The following LUZP2 variants were observed in gnomAD, a reference collection of about 807,000 sequenced individuals.
LUZP2 encodes the protein leucine zipper protein 2.
In LUZP2, 52 loss-of-function variants were observed where a neutral mutation model predicts 51.6. The ratio of observed to expected loss-of-function variants is 1.01; its 90% CI spans 0.81 to 1.27. LUZP2 has a LOEUF of 1.27. Ranked by LOEUF, LUZP2 falls within the 50% of genes most tolerant of loss-of-function variation. The pLI is 0.00. For missense variants in LUZP2, 436 were observed against 395.4 expected (o/e 1.10, Z -0.87); for synonymous variants, 154 against 137.3 (o/e 1.12, Z -0.85).
At chr11:24,583,723 A>C (rs1047686683) in intron 1 of LUZP2, among the ~76,000 whole-genome samples, 35 of 136,618 alleles carry the variant, frequency 2.6e-4, no homozygotes, top group African/African-American at 9.3e-4. Context: ...TTTTTTTTTG[A>C]GATGGAGTCT....
chr11:24,866,001 G>C (rs566132321), intron 5 of LUZP2, among the ~76,000 whole-genome samples: 35 of 151,500 alleles, frequency 2.3e-4, no homozygotes, highest in African/African-American at 8.0e-4. Context: ...GTAGAGAGGG[G>C]TTTCACCATG....
chr11:24,766,962 G>A (rs192001282), intron 5 of LUZP2, among the ~76,000 whole-genome samples: 10 of 152,132 alleles, frequency 6.6e-5, no homozygotes, highest in East Asian at 3.9e-4. Flanking sequence ...GGGCATCACC[G>A]TGTTGGCCAG....
At chr11:25,034,797 A>T (rs1287422173) in intron 9 of LUZP2, among the ~76,000 whole-genome samples, 2 of 152,044 alleles carry the variant, frequency 1.3e-5, no homozygotes, top group African/African-American at 4.8e-5. Context: ...TTTTTGTGCT[A>T]GTACTAAGCT....
At chr11:24,948,831 CTATCTA>C (rs1854981057) in intron 7 of LUZP2, among the ~76,000 whole-genome samples, 2 of 95,808 alleles carry the variant, frequency 2.1e-5, no homozygotes, top group South Asian at 6.1e-4. Flanking sequence ...TATCATCTAT[CTATCTA>C]TCTATCTATC....
In LUZP2 at chr11:24,738,311, G is replaced by A. The variant is rs1262706160; in HGVS notation, c.333+9G>A. ...AAAAACACCAGGCTACTGTAAGTGT[G>A]TTTCTTCTTTGTGCCTTTTGCTTTT... On this transcript the variant is annotated intron_variant, in intron 4 of 11. Coordinates refer to ENST00000336930, the MANE Select transcript of LUZP2 (RefSeq NM_001009909.4). 7 of 1,603,252 alleles carry A rather than the reference G, an allele frequency of 4.4e-6. No homozygotes were observed. Among genetic ancestry groups the A allele is most frequent in the Middle Eastern group, 1.7e-4 (1 of 6,028 alleles).
intron 9 of LUZP2, among the ~76,000 whole-genome samples, chr11:24,989,956 T>G (rs1413905302): frequency 6.6e-6 from 1 of 152,106 alleles, no homozygotes; most frequent in African/African-American, 2.4e-5. Flanking sequence ...TCCTAATCAC[T>G]GGGCACCTAA....
intron 9 of LUZP2, among the ~76,000 whole-genome samples, chr11:25,036,147 G>T (rs1298830692): frequency 2.6e-5 from 4 of 151,926 alleles, no homozygotes; most frequent in African/African-American, 9.7e-5. Context: ...TTTATAAGTT[G>T]ATATTGGCTA....
intron 9 of LUZP2, among the ~76,000 whole-genome samples, chr11:25,045,329 T>C (rs1444620781): frequency 6.6e-6 from 1 of 150,794 alleles, no homozygotes; most frequent in Non-Finnish European, 1.5e-5. Flanking sequence ...AGTTTTCTGA[T>C]AGATGAGCAC....
At chr11:24,899,050 T>A (rs1035449447) in intron 5 of LUZP2, among the ~76,000 whole-genome samples, 2 of 152,190 alleles carry the variant, frequency 1.3e-5, no homozygotes, top group African/African-American at 4.8e-5. Flanking sequence ...TCACTTTATC[T>A]AAACTAGATA....
At chr11:24,825,981 C>A (rs921244086) in intron 5 of LUZP2, among the ~76,000 whole-genome samples, 6 of 151,164 alleles carry the variant, frequency 4.0e-5, no homozygotes, top group African/African-American at 1.5e-4. Flanking sequence ...GTCAGGAGAT[C>A]GAGACCACGG....
At chr11:24,908,619 G>A (rs574919103) in intron 6 of LUZP2, among the ~76,000 whole-genome samples, 2 of 152,164 alleles carry the variant, frequency 1.3e-5, no homozygotes, top group East Asian at 1.9e-4. Context: ...TAAATAAAAC[G>A]ATCTAAGTGT....
At chr11:24,909,665 A>G (rs1466861898) in intron 6 of LUZP2, among the ~76,000 whole-genome samples, 2 of 152,212 alleles carry the variant, frequency 1.3e-5, no homozygotes, top group Admixed American at 6.5e-5. Context: ...GCAGCACAAA[A>G]TAATGATAAC....
intron 4 of LUZP2, 155 bp from the exon 5 acceptor site, chr11:24,763,091 T>A (rs903623176): frequency 2.9e-6 from 1 of 346,374 alleles, no homozygotes; most frequent in Non-Finnish European, 4.0e-6. Context: ...GTGAATTTAG[T>A]AATGAAGGTT....
At chr11:24,548,119 A>G (rs923440428) in intron 1 of LUZP2, among the ~76,000 whole-genome samples, 5 of 152,162 alleles carry the variant, frequency 3.3e-5, no homozygotes, top group African/African-American at 1.2e-4. Context: ...AAATTAGTTC[A>G]GCCACTGTGA....
intron 7 of LUZP2, among the ~76,000 whole-genome samples, chr11:24,920,482 T>A (rs1031643759): frequency 6.6e-6 from 1 of 152,074 alleles, no homozygotes; most frequent in Non-Finnish European, 1.5e-5. Context: ...TCAAAACTTA[T>A]CTGCACTCAC....
chr11:25,041,366 TACTC>T (rs1156385111), intron 9 of LUZP2, among the ~76,000 whole-genome samples: 9 of 152,266 alleles, frequency 5.9e-5, no homozygotes, highest in East Asian at 5.8e-4. Flanking sequence ...TTCTCTTTCT[TACTC>T]TCTCTCTCTC....
chr11:24,856,458 A>G (rs981363303), intron 5 of LUZP2, among the ~76,000 whole-genome samples: 4 of 152,090 alleles, frequency 2.6e-5, no homozygotes, highest in African/African-American at 9.7e-5. Context: ...TAGAGAAAAG[A>G]TAATGCTTAT....
At chr11:24,779,967 C>G (rs1466942386) in intron 5 of LUZP2, among the ~76,000 whole-genome samples, 2 of 152,124 alleles carry the variant, frequency 1.3e-5, no homozygotes, top group Admixed American at 6.6e-5. Flanking sequence ...GTGGAAGAGG[C>G]AAGGGACATA....
chr11:24,844,516 G>T (rs1000381222), intron 5 of LUZP2, among the ~76,000 whole-genome samples: 6 of 152,130 alleles, frequency 3.9e-5, no homozygotes, highest in African/African-American at 1.4e-4. Context: ...ATTTTCTGAG[G>T]AGAAATTCAA....
Sources: allele counts gnomAD v4.1 joint callset (sites outside exome capture counted in the v4.1 genomes callset), GRCh38; gene constraint gnomAD v4.1.1; transcripts MANE v1.5; gene names NCBI Gene and HGNC (gene_info 2026-07-23, HGNC 2026-07-21).